Variants in CRYBG3 observed in about 807,000 individuals in gnomAD.
CRYBG3 encodes very large A-kinase anchor protein.
In CRYBG3, 127 loss-of-function variants were observed where a neutral mutation model predicts 244.2. The observed-to-expected ratio is 0.52, with a 90% CI of 0.45 to 0.60. The LOEUF (loss-of-function observed/expected upper bound fraction) is 0.60, where lower values mean the gene tolerates loss of function less well. CRYBG3 is among the 20% of genes least tolerant of loss of function. The pLI is 0.00. For missense variants in CRYBG3, 3,325 were observed against 3,442.5 expected (o/e 0.97, Z 0.85); for synonymous variants, 1,132 against 1,195.8 (o/e 0.95, Z 1.10).
Position 97,915,621 on chromosome 3 carries a change from A to G in CRYBG3, c.8126A>G (p.Tyr2709Cys), listed in dbSNP as rs17302349. The change falls in exon 17 of 22, where the codon TAT becomes TGT. Residue 2709 changes from tyrosine (Y) to cysteine (C), a missense_variant. Tyr to Cys is a radical substitution (Grantham distance 194). Coordinates refer to ENST00000389622, the MANE Select transcript of CRYBG3 (RefSeq NM_153605.4). ...TGCTTGGCTTTTAGCTGGCTCCTCT[A>G]TTACCAAGAAGACATGTTTGTTAAT... ...FKVLRGCWLL[Y>C]YQEDMFVNHC... The G allele has an allele frequency of 0.012, 19,144 of 1,610,306 alleles. 188 individuals are homozygous for G. The highest frequency in any genetic ancestry group is 0.013 in the Non-Finnish European group (15,804 of 1,177,308).
At chr3:97,891,433 A>G (rs1228376671) in intron 10 of CRYBG3, among the ~76,000 whole-genome samples, 6 of 152,194 alleles carry the variant, frequency 3.9e-5, no homozygotes, top group African/African-American at 1.4e-4. Context: ...TGAATATCCA[A>G]CATTGTGCTA....
intron 15 of CRYBG3, among the ~76,000 whole-genome samples, chr3:97,901,619 G>A (rs1652978001): frequency 6.6e-6 from 1 of 152,168 alleles, no homozygotes; most frequent in African/African-American, 2.4e-5. Context: ...GATTTTTAAA[G>A]TATTTTTTCA....
chr3:97,941,083 C>T (rs2040223143), intron 19 of CRYBG3, 65 bp from the exon 20 acceptor site: 1 of 1,391,016 alleles, frequency 7.2e-7, no homozygotes, highest in Non-Finnish European at 9.9e-7. Context: ...CAGCTTTCCT[C>T]CTCTGGAAGG....
chr3:97,875,566 A>G lies in CRYBG3; in HGVS notation c.4372A>G (p.Asn1458Asp), dbSNP rs2039361389. Residue 1458 changes from asparagine (N) to aspartate (D), a missense_variant, in exon 4 of 22, where the codon AAT (asparagine) becomes GAT (aspartate). By Grantham distance (23) the Asn-to-Asp change is conservative. Coordinates refer to ENST00000389622, the MANE Select transcript of CRYBG3 (RefSeq NM_153605.4). ...CTGTAATGAGACAATGGAAATAGAG[A>G]ATGTGGATAATAACAAAACTGAGAC... is the stretch of plus-strand genomic sequence containing the variant. ...EDCNETMEIE[N>D]VDNNKTETED... is the part of the protein sequence containing the mutation. 1 of 1,241,614 alleles carries G rather than the reference A, an allele frequency of 8.1e-7. No homozygotes were observed. The highest frequency in any genetic ancestry group is 1.0e-6 in the Non-Finnish European group (1 of 994,508). The allele number at this position is 1,241,614 out of a possible 1,614,324, so 76.9% of individuals were successfully genotyped here.
rs944613613 is a variant in CRYBG3, at chr3:97,863,792, C to T, written c.217-425C>T. 2.6e-5 allele frequency among the ~76,000 whole-genome samples: 4 copies of T among 152,106 alleles called. No individual in the cohort carries two copies. In the East Asian group the frequency reaches 5.8e-4, roughly 22 times the overall value. ...ATTTACCTCTCACTCTTGTCATTTT[C>T]GTACCCTAACCTCCAGTCATATTAA... On this transcript the variant is annotated intron_variant, in intron 2 of 21. Coordinates refer to ENST00000389622, the MANE Select transcript of CRYBG3 (RefSeq NM_153605.4).
chr3:97,886,268 T>C (rs542491646), intron 7 of CRYBG3, among the ~76,000 whole-genome samples: 115 of 152,278 alleles, frequency 7.6e-4, no homozygotes, highest in African/African-American at 2.7e-3. Flanking sequence ...TATGGTTTTA[T>C]TATACTGCTA....
chr3:97,920,539 C>A (rs544790656), intron 17 of CRYBG3, among the ~76,000 whole-genome samples: 4 of 151,826 alleles, frequency 2.6e-5, no homozygotes, highest in Admixed American at 6.6e-5. Context: ...CCCCTCCCCC[C>A]ACTTTTTTTA....
chr3:97,919,278 T>G (rs1370690888), intron 17 of CRYBG3, among the ~76,000 whole-genome samples: 4 of 151,880 alleles, frequency 2.6e-5, no homozygotes, highest in African/African-American at 9.7e-5. Context: ...TCAAAATTCA[T>G]TTAGAATTCT....
intron 1 of CRYBG3, among the ~76,000 whole-genome samples, chr3:97,831,868 G>A (rs189624004): frequency 2.4e-4 from 36 of 151,742 alleles, no homozygotes; most frequent in Admixed American, 7.2e-4. Flanking sequence ...GTTATTCTTC[G>A]TCTTTTTTTT....
At chr3:97,840,341 T>C (rs1306805334) in intron 1 of CRYBG3, among the ~76,000 whole-genome samples, 1 of 152,150 alleles carries the variant, frequency 6.6e-6, no homozygotes, top group Admixed American at 6.6e-5. Context: ...TTTTAAAATA[T>C]GTTGTTTGCA....
chr3:97,904,787 T>C (rs894470839), intron 15 of CRYBG3, among the ~76,000 whole-genome samples: 3 of 151,754 alleles, frequency 2.0e-5, no homozygotes, highest in African/African-American at 7.3e-5. Flanking sequence ...GTGCACCTTG[T>C]GCAGGTTAGT....
At chr3:97,903,842 A>G (rs889225298) in intron 15 of CRYBG3, among the ~76,000 whole-genome samples, 22 of 152,174 alleles carry the variant, frequency 1.4e-4, no homozygotes, top group African/African-American at 5.3e-4. Context: ...TAAGAAAGAA[A>G]TACAATAATA....
rs558419424 is a variant in CRYBG3 at position 97,880,126 on chromosome 3, G to C, written c.7004+26G>C. The C allele has an allele frequency of 4.1e-6, 5 of 1,206,986 alleles. No homozygotes were observed. In the African/African-American group the frequency reaches 7.7e-5, roughly 19 times the overall value. The allele number at this position is 1,206,986 out of a possible 1,614,324, so 74.8% of individuals were successfully genotyped here. A position where few individuals can be genotyped will look rare whatever the true frequency, so the allele number is the denominator to read the frequency against. ...GTAAGAAGTTTCTTAAAATTTTATAGCATATTTTCTTAAATTAAATGTGTC... is the reference window on the plus strand; with the variant it reads ...GTAAGAAGTTTCTTAAAATTTTATACCATATTTTCTTAAATTAAATGTGTC... On this transcript the variant is annotated intron_variant, in intron 6 of 21. Transcript: ENST00000389622.
chr3:97,899,159 T>A lies in CRYBG3; in HGVS notation c.7867T>A (p.Phe2623Ile). 6.2e-7 allele frequency: 1 copy of A among 1,611,524 alleles called. No homozygotes were observed. Among genetic ancestry groups the A allele is most frequent in the South Asian group, 1.1e-5 (1 of 90,010 alleles). The change falls in exon 14 of 22, where the codon TTC (phenylalanine) becomes ATC (isoleucine). Residue 2623 changes from phenylalanine (F) to isoleucine (I), a missense_variant. Around this residue, in one of 4 missense-constraint regions of CRYBG3, gnomAD observed 714 missense variants for 803.6 expected, o/e 0.89. Coordinates refer to ENST00000389622, the MANE Select transcript of CRYBG3 (RefSeq NM_153605.4). ...SGVWVAYQQKFFCGEQYILEK... is the reference protein window; with the variant it reads ...SGVWVAYQQKIFCGEQYILEK... ...TAGATGGGTTGCCTACCAGCAAAAG[T>A]TCTTCTGTGGAGAACAATACATTTT...
At chr3:97,835,446 G>T (rs1026549084) in intron 1 of CRYBG3, among the ~76,000 whole-genome samples, 1 of 152,002 alleles carries the variant, frequency 6.6e-6, no homozygotes, top group African/African-American at 2.4e-5. Context: ...GAACTTTCTG[G>T]GCAGAAGGAA....
chr3:97,834,915 T>G (rs2108159419), intron 1 of CRYBG3, among the ~76,000 whole-genome samples: 1 of 152,296 alleles, frequency 6.6e-6, no homozygotes, highest in Non-Finnish European at 1.5e-5. Flanking sequence ...GGTATAAAAT[T>G]ATAAGAGGAC....
At chr3:97,842,282 G>A (rs894235054) in intron 1 of CRYBG3, among the ~76,000 whole-genome samples, 2 of 152,114 alleles carry the variant, frequency 1.3e-5, no homozygotes, top group East Asian at 3.9e-4. Context: ...AGTTCTGGAA[G>A]CTGGGCGTAG....
At chr3:97,893,948 A>G (rs1265267479) in intron 11 of CRYBG3, among the ~76,000 whole-genome samples, 1 of 152,206 alleles carries the variant, frequency 6.6e-6, no homozygotes, top group Non-Finnish European at 1.5e-5. Context: ...GTAAGAGATT[A>G]TATATGCTGG....
rs551661498 is a variant in CRYBG3 at position 97,827,322 on chromosome 3, G to A, written c.149+4967G>A. ...GGACTTATTAGTAACATTCAGCTAG[G>A]GGTGGTACCCTCCCCAACCTTCAAG... On this transcript the variant is annotated intron_variant, in intron 1 of 21. Coordinates refer to ENST00000389622, the MANE Select transcript of CRYBG3 (RefSeq NM_153605.4). Among the ~76,000 whole-genome samples, 3 of 152,258 alleles carry A rather than the reference G, an allele frequency of 2.0e-5. No homozygotes were observed. The East Asian group carries it at 5.8e-4, about 29-fold the overall frequency.
Sources: allele counts gnomAD v4.1 joint callset (sites outside exome capture counted in the v4.1 genomes callset), GRCh38; gene constraint gnomAD v4.1.1; regional missense constraint gnomAD v4.1.1; transcripts MANE v1.5; gene names NCBI Gene and HGNC (gene_info 2026-07-23, HGNC 2026-07-21).